The following XK variants were observed in gnomAD, a reference collection of about 807,000 sequenced individuals.
XK encodes X-linked Kx blood group antigen, Kell and VPS13A binding protein.
A neutral mutation model predicts 14.0 loss-of-function variants in XK; 2 were observed. That is an observed-to-expected ratio of 0.14 (90% CI 0.06 to 0.45). The LOEUF is 0.45. XK is among the 20% of genes least tolerant of loss of function. XK has a pLI of 0.98. For missense variants in XK, 235 were observed against 341.5 expected, an observed-to-expected ratio of 0.69 and a Z score of 2.46; for synonymous variants, 149 against 147.5, an observed-to-expected ratio of 1.01 and a Z score of -0.08.
At chrX:37,714,870 G>A (rs1373201484) in intron 2 of XK, among the ~76,000 whole-genome samples, 1 of 111,230 alleles carries the variant, frequency 9.0e-6, no homozygotes, top group Non-Finnish European at 1.9e-5. Flanking sequence ...GAAAGGGGGT[G>A]AGAGGTCTCT....
intron 2 of XK, among the ~76,000 whole-genome samples, chrX:37,698,800 G>A (rs930802876): frequency 9.0e-6 from 1 of 111,407 alleles, no homozygotes; most frequent in Non-Finnish European, 1.9e-5. Flanking sequence ...TTTATTTAAG[G>A]TAAATCCTGC....
At chrX:37,705,289 CAAA>C (rs5902157) in intron 2 of XK, among the ~76,000 whole-genome samples, 2 of 98,960 alleles carry the variant, frequency 2.0e-5, no homozygotes, top group African/African-American at 3.7e-5. Context: ...ACTAAAAATA[CAAA>C]AAAAAAAAAA....
At position 37,731,544 on chromosome X, in the gene XK, T is replaced by C. The variant is rs1928087825; in HGVS notation, c.*3082T>C. 1 of 112,594 alleles carries C rather than the reference T, an allele frequency of 8.9e-6. No homozygotes were observed. The highest frequency in any genetic ancestry group is 3.2e-5 in the African/African-American group (1 of 31,025). The allele number at this position is 112,594 out of a possible 1,213,427, so 9.3% of individuals were successfully genotyped here. On this transcript the variant is annotated 3_prime_UTR_variant, in exon 3 of 3. Transcript: ENST00000378616. ...TGAAAATGTTTTTAAGTGCTATGCA[T>C]ATTTATAGAGTTATTATAGTTATTC...
At chrX:37,697,017 A>C (rs1462565313) in intron 2 of XK, among the ~76,000 whole-genome samples, 1 of 112,345 alleles carries the variant, frequency 8.9e-6, no homozygotes, top group African/African-American at 3.2e-5. Context: ...AAATGACTTT[A>C]GGTCTCTGAC....
intron 2 of XK, among the ~76,000 whole-genome samples, chrX:37,701,475 C>T (rs1556443824): frequency 8.9e-6 from 1 of 112,661 alleles, no homozygotes; most frequent in East Asian, 2.8e-4. Flanking sequence ...TCTGTGGCCA[C>T]ATTCTGCTGC....
chrX:37,692,706 A>G (rs1235091975), intron 1 of XK, among the ~76,000 whole-genome samples: 4 of 112,240 alleles, frequency 3.6e-5, no homozygotes, highest in African/African-American at 1.3e-4. Flanking sequence ...CGGCCAGTTC[A>G]TTCTGTTTTC....
chrX:37,720,244 G>A (rs923515559), intron 2 of XK, among the ~76,000 whole-genome samples: 2 of 110,709 alleles, frequency 1.8e-5, no homozygotes, highest in Admixed American at 9.6e-5. Context: ...GAATTTTCTC[G>A]AGAGATTTTT....
intron 1 of XK, among the ~76,000 whole-genome samples, chrX:37,687,339 C>T (rs781854647): frequency 6.3e-5 from 7 of 110,244 alleles, no homozygotes; most frequent in African/African-American, 2.3e-4. Context: ...AAGATCATAG[C>T]TCATTGCATC....
chrX:37,693,476 C>CGTGT (rs781954179), intron 1 of XK, among the ~76,000 whole-genome samples: 20 of 95,961 alleles, frequency 2.1e-4, no homozygotes, highest in East Asian at 6.7e-4. Context: ...TCTATCAATT[C>CGTGT]GTGTGTGTGT....
rs782684079 is a variant in XK at position 37,694,404 on chromosome X, G to A, written c.364G>A (p.Val122Met). The A allele has an allele frequency of 1.7e-6, 2 of 1,205,469 alleles. No homozygotes were observed. Among genetic ancestry groups the A allele is most frequent in the Admixed American group, 4.4e-5 (2 of 45,583 alleles). ...NGLSEEIEKE[V>M]GQAEGKLITH... ...CCTCTCAGAGGAGATTGAGAAGGAG[G>A]TGGGCCAGGCAGAAGGCAAACTAAT... Residue 122 changes from valine (V) to methionine (M), a missense_variant, in exon 2 of 3, where the codon GTG becomes ATG. Coordinates refer to ENST00000378616, the MANE Select transcript of XK (RefSeq NM_021083.4).
At chrX:37,699,233 G>A (rs1281000840) in intron 2 of XK, among the ~76,000 whole-genome samples, 1 of 112,047 alleles carries the variant, frequency 8.9e-6, no homozygotes, top group Non-Finnish European at 1.9e-5. Context: ...GGATATGAAG[G>A]TGAGGCAGTG....
At chrX:37,720,026 C>G (rs1417854330) in intron 2 of XK, among the ~76,000 whole-genome samples, 1 of 110,995 alleles carries the variant, frequency 9.0e-6, no homozygotes, top group African/African-American at 3.3e-5. Context: ...AGGGCTTAAT[C>G]TCTTTCCAGT....
chrX:37,707,127 G>A (rs1333257977), intron 2 of XK, among the ~76,000 whole-genome samples: 10 of 112,532 alleles, frequency 8.9e-5, no homozygotes, highest in South Asian at 3.7e-4. Flanking sequence ...ATCATGGCCC[G>A]TTCTCAATGA....
chrX:37,718,159 C>T (rs1352344452), intron 2 of XK, among the ~76,000 whole-genome samples: 1 of 111,437 alleles, frequency 9.0e-6, no homozygotes, highest in African/African-American at 3.3e-5. Context: ...TAAACTTACT[C>T]ATGTAGTTCT....
rs1253156534 is a variant in XK at position 37,725,897 on chromosome X, A to G, written c.509-1739A>G. Among the ~76,000 whole-genome samples the G allele has an allele frequency of 2.7e-5, 3 of 111,934 alleles. No homozygotes were observed. The East Asian group carries it at 8.4e-4, about 31-fold the overall frequency. Reference sequence around the variant, plus strand: ...TTCCAACTATATAACATTCTGGAAAACGTAAAACTATGGAGACAATAAAAA... The same window carrying G: ...TTCCAACTATATAACATTCTGGAAAGCGTAAAACTATGGAGACAATAAAAA... On this transcript the variant is annotated intron_variant, in intron 2 of 2. Transcript: ENST00000378616.
chrX:37,702,779 T>C (rs1927440169), intron 2 of XK, among the ~76,000 whole-genome samples: 1 of 112,574 alleles, frequency 8.9e-6, no homozygotes, highest in African/African-American at 3.2e-5. Flanking sequence ...AATTCTAAGT[T>C]CACAGTACTC....
chrX:37,726,467 G>A lies in XK; in HGVS notation c.509-1169G>A, dbSNP rs1011017875. Among the ~76,000 whole-genome samples, 9 of 111,571 alleles carry A rather than the reference G, an allele frequency of 8.1e-5. No individual in the cohort carries two copies. The South Asian group carries it at 3.0e-3, about 37-fold the overall frequency. ...GAAAAAAACGAGAGCCAGGCTGTCG[G>A]TTCCTAACTCATAGCCCTGCTTCCC... On this transcript the variant is annotated intron_variant, in intron 2 of 2. Coordinates refer to ENST00000378616, the MANE Select transcript of XK (RefSeq NM_021083.4).
At chrX:37,716,939 T>C (rs938469080) in intron 2 of XK, among the ~76,000 whole-genome samples, 18 of 112,094 alleles carry the variant, frequency 1.6e-4, no homozygotes, top group African/African-American at 4.2e-4. Flanking sequence ...TCTCTGATCA[T>C]TGGTTATTCC....
intron 2 of XK, among the ~76,000 whole-genome samples, chrX:37,719,434 C>T (rs1556448489): frequency 9.0e-6 from 1 of 110,621 alleles, no homozygotes; most frequent in African/African-American, 3.3e-5. Context: ...TTTTCTCTCT[C>T]TTTCTCTCTT....
Sources: gnomAD v4.1 joint callset for allele counts (sites outside exome capture counted in the v4.1 genomes callset) on GRCh38, gnomAD v4.1.1 for gene constraint, MANE v1.5 for transcripts, NCBI Gene and HGNC (gene_info 2026-07-23, HGNC 2026-07-21) for gene names.